The following SNX7 variants were observed in gnomAD, a reference collection of about 807,000 sequenced individuals.
SNX7 encodes the protein sorting nexin-7.
SNX7 carries 35 observed loss-of-function variants against 48.4 expected under a neutral mutation model. The ratio of observed to expected loss-of-function variants is 0.72; its 90% CI spans 0.55 to 0.96. SNX7 has a LOEUF of 0.96. Among genes scored for constraint, SNX7 ranks in the 40% least tolerant of loss-of-function variants. SNX7 has a pLI of 0.00. For missense variants in SNX7, 553 were observed against 548.9 expected (o/e 1.01, Z -0.07); for synonymous variants, 190 against 190.2 (o/e 1.00, Z 0.01).
intron 8 of SNX7, among the ~76,000 whole-genome samples, chr1:98,758,700 A>G (rs1456708719): frequency 6.6e-6 from 1 of 152,052 alleles, no homozygotes; most frequent in Non-Finnish European, 1.5e-5. Context: ...TATTTAATCC[A>G]GTAATTTATT....
chr1:98,704,819 G>A (rs372107770), intron 7 of SNX7, among the ~76,000 whole-genome samples: 2 of 152,248 alleles, frequency 1.3e-5, no homozygotes, highest in East Asian at 1.9e-4. Context: ...GGGATGCTAC[G>A]TGCAAACCCA....
intron 8 of SNX7, among the ~76,000 whole-genome samples, chr1:98,755,589 C>T (rs1277418442): frequency 2.0e-5 from 3 of 151,688 alleles, no homozygotes; most frequent in African/African-American, 7.3e-5. Context: ...GCCATGCTAG[C>T]TTTTCTTTTG....
At chr1:98,704,268 C>G (rs961877961) in intron 7 of SNX7, among the ~76,000 whole-genome samples, 2 of 152,110 alleles carry the variant, frequency 1.3e-5, no homozygotes, top group Non-Finnish European at 2.9e-5. Context: ...AAATTTGAAA[C>G]TTTAATTATC....
chr1:98,703,560 G>A (rs1232214165), intron 7 of SNX7, among the ~76,000 whole-genome samples: 3 of 151,834 alleles, frequency 2.0e-5, no homozygotes, highest in African/African-American at 7.3e-5. Context: ...AGTGCTCAAG[G>A]GAAAACTCAT....
intron 1 of SNX7, among the ~76,000 whole-genome samples, chr1:98,670,624 A>C (rs1303324704): frequency 1.3e-5 from 2 of 152,220 alleles, no homozygotes. Context: ...GCCTGGGATC[A>C]ATAGGCTATA....
At chr1:98,718,042 G>C (rs549361061) in intron 7 of SNX7, among the ~76,000 whole-genome samples, 30 of 152,196 alleles carry the variant, frequency 2.0e-4, no homozygotes, top group African/African-American at 6.7e-4. Flanking sequence ...ATGAGGAAAT[G>C]AAAGGGGCAT....
chr1:98,679,781 T>A (rs906978292), intron 1 of SNX7, among the ~76,000 whole-genome samples: 2 of 152,214 alleles, frequency 1.3e-5, no homozygotes, highest in African/African-American at 2.4e-5. Context: ...TGGGTTCCCA[T>A]GGTCTTGGGC....
At chr1:98,714,662 C>G (rs115455967) in intron 7 of SNX7, among the ~76,000 whole-genome samples, 2,941 of 152,108 alleles carry the variant, frequency 0.019, 34 homozygotes, top group Non-Finnish European at 0.024. Flanking sequence ...TCTGGAGCAC[C>G]AGTGTTGGAA....
chr1:98,718,695 G>C (rs1305595675), intron 7 of SNX7, among the ~76,000 whole-genome samples: 3 of 152,082 alleles, frequency 2.0e-5, no homozygotes, highest in African/African-American at 7.2e-5. Flanking sequence ...CACTACCCAT[G>C]TTATTAGTAT....
intron 8 of SNX7, among the ~76,000 whole-genome samples, chr1:98,758,229 T>G (rs990709182): frequency 1.3e-5 from 2 of 152,060 alleles, no homozygotes; most frequent in African/African-American, 4.8e-5. Context: ...TTGAAAAATA[T>G]ACTAAATGTG....
chr1:98,726,696 T>C (rs2101016286), intron 7 of SNX7, among the ~76,000 whole-genome samples: 1 of 152,284 alleles, frequency 6.6e-6, no homozygotes, highest in South Asian at 2.1e-4. Context: ...TTTCTTAAGA[T>C]TTAGTTTGGA....
intron 1 of SNX7, among the ~76,000 whole-genome samples, chr1:98,679,135 G>A (rs1452684572): frequency 6.6e-6 from 1 of 152,152 alleles, no homozygotes; most frequent in African/African-American, 2.4e-5. Flanking sequence ...TGCATGGCTG[G>A]GGGAGCCTCA....
At chr1:98,682,355 C>G (rs955852696) in intron 1 of SNX7, among the ~76,000 whole-genome samples, 2 of 152,120 alleles carry the variant, frequency 1.3e-5, no homozygotes, top group Admixed American at 6.5e-5. Flanking sequence ...AGGGAATTCC[C>G]TTTACTTTGA....
chr1:98,757,149 G>A (rs1217003898), intron 8 of SNX7, among the ~76,000 whole-genome samples: 1 of 152,104 alleles, frequency 6.6e-6, no homozygotes, highest in Non-Finnish European at 1.5e-5. Flanking sequence ...GATGCTGGCA[G>A]CAGCTTCCTA....
At chr1:98,724,231 T>A (rs1186101743) in intron 7 of SNX7, among the ~76,000 whole-genome samples, 1 of 152,090 alleles carries the variant, frequency 6.6e-6, no homozygotes, top group East Asian at 1.9e-4. Context: ...CACTAGAGAT[T>A]TTCTCATGTT....
intron 4 of SNX7, among the ~76,000 whole-genome samples, chr1:98,693,172 AGATGGATGGATG>A (rs10589894): frequency 5.3e-5 from 8 of 151,152 alleles, no homozygotes; most frequent in South Asian, 2.1e-4. Flanking sequence ...GGATGAATGG[AGATGGATGGATG>A]GATGGATGGA....
At chr1:98,712,442 G>A (rs750265924) in intron 7 of SNX7, among the ~76,000 whole-genome samples, 35 of 152,122 alleles carry the variant, frequency 2.3e-4, no homozygotes, top group Non-Finnish European at 4.0e-4. Flanking sequence ...GTACATTTCC[G>A]TCAGAGTTTT....
rs150086693 is a variant in SNX7, at chr1:98,713,878, G to A, written c.1125+11975G>A. 7.5e-3 allele frequency among the ~76,000 whole-genome samples: 1,149 copies of A among 152,208 alleles called. 6 individuals carry two copies. The highest frequency in any genetic ancestry group is 0.012 in the Non-Finnish European group (840 of 68,018). On this transcript the variant is annotated intron_variant, in intron 7 of 8. Transcript: ENST00000306121. ...CATCAAAGACTGCTTATCACAGATC[G>A]CCATCACAGATAGGATAATAATGAA...
At chr1:98,722,080 T>C (rs1335026816) in intron 7 of SNX7, among the ~76,000 whole-genome samples, 1 of 152,044 alleles carries the variant, frequency 6.6e-6, no homozygotes, top group African/African-American at 2.4e-5. Context: ...ATTATAATCA[T>C]GATTTGAGGG....
Sources: allele counts gnomAD v4.1 joint callset (sites outside exome capture counted in the v4.1 genomes callset), GRCh38; gene constraint gnomAD v4.1.1; transcripts MANE v1.5; gene names NCBI Gene and HGNC (gene_info 2026-07-23, HGNC 2026-07-21).